The following PCSK2 variants were observed in gnomAD, a reference collection of about 807,000 sequenced individuals.
PCSK2 encodes neuroendocrine convertase 2.
A neutral mutation model predicts 69.7 loss-of-function variants in PCSK2; 14 were observed. That is an observed-to-expected ratio of 0.20 (90% CI 0.13 to 0.31). The LOEUF is 0.31. PCSK2 is among the 10% of genes least tolerant of loss of function. The pLI is 1.00. For synonymous variants in PCSK2, 307 were observed against 320.7 expected (o/e 0.96, Z 0.46); for missense variants, 544 against 842.5 (o/e 0.65, Z 4.39).
chr20:17,481,800 T>C lies in PCSK2; in HGVS notation c.1647T>C (p.Phe549=), dbSNP rs2033407414. 6.2e-7 allele frequency: 1 copy of C among 1,614,096 alleles called. No individual in the cohort carries two copies. The change falls in exon 12 of 12, where the codon TTT becomes TTC. Residue 549 remains phenylalanine (F), a synonymous_variant. Coordinates refer to ENST00000262545, the MANE Select transcript of PCSK2 (RefSeq NM_002594.5). ...RPRDDDSKVG[F]DKWPFMTTHT... ...GGGATGACGACTCCAAGGTGGGCTT[T>C]GACAAGTGGCCTTTCATGACCACTC...
intron 8 of PCSK2, among the ~76,000 whole-genome samples, chr20:17,440,038 G>A (rs765408166): frequency 4.6e-5 from 7 of 152,224 alleles, no homozygotes; most frequent in Admixed American, 1.3e-4. Flanking sequence ...ACAGCAGCAG[G>A]TCCGTCCTGT....
chr20:17,390,059 A>C lies in PCSK2; in HGVS notation c.544-19204A>C, dbSNP rs143048725. On this transcript the variant is annotated intron_variant, in intron 5 of 11. Coordinates refer to ENST00000262545, the MANE Select transcript of PCSK2 (RefSeq NM_002594.5). Reference sequence around the variant, plus strand: ...CTGTGATGTGTTTATACAGTGGAATACTATCCCACAACAAAACAAACAAAC... The same window carrying C: ...CTGTGATGTGTTTATACAGTGGAATCCTATCCCACAACAAAACAAACAAAC... 1.8e-4 allele frequency among the ~76,000 whole-genome samples: 27 copies of C among 152,400 alleles called. 2 individuals carry two copies. In the East Asian group the frequency reaches 5.2e-3, roughly 29 times the overall value.
intron 1 of PCSK2, among the ~76,000 whole-genome samples, chr20:17,253,083 T>G (rs1457360728): frequency 2.0e-5 from 3 of 152,222 alleles, no homozygotes; most frequent in Non-Finnish European, 4.4e-5. Flanking sequence ...AAATGATAAG[T>G]GTTCATAATC....
chr20:17,436,388 C>T (rs2123350594), intron 7 of PCSK2, among the ~76,000 whole-genome samples: 1 of 152,298 alleles, frequency 6.6e-6, no homozygotes, highest in East Asian at 1.9e-4. Context: ...TCTCTGAGGC[C>T]AAGCTTCTAC....
At chr20:17,469,759 G>A (rs2033169072) in intron 11 of PCSK2, among the ~76,000 whole-genome samples, 1 of 152,146 alleles carries the variant, frequency 6.6e-6, no homozygotes, top group South Asian at 2.1e-4. Flanking sequence ...GAAAGGTCAA[G>A]GGCATGCTAA....
intron 5 of PCSK2, among the ~76,000 whole-genome samples, chr20:17,383,272 AT>A (rs1205563707): frequency 2.6e-5 from 4 of 152,040 alleles, no homozygotes; most frequent in Non-Finnish European, 4.4e-5. Flanking sequence ...GCTTCTCCTT[AT>A]TTATACCTCA....
In PCSK2 at chr20:17,478,311, A is replaced by G. The variant is rs561535217; in HGVS notation, c.1431-3273A>G. On this transcript the variant is annotated intron_variant, in intron 11 of 11. Transcript: ENST00000262545. ...AACTTAGCATTTACACAGCACATTG[A>G]TAACTATAGTGCTCAGCAGAGACAT... Among the ~76,000 whole-genome samples the G allele has an allele frequency of 1.6e-4, 24 of 152,330 alleles. 1 individual carries two copies. The South Asian group carries it at 5.0e-3, about 32-fold the overall frequency.
intron 1 of PCSK2, among the ~76,000 whole-genome samples, chr20:17,252,512 A>G (rs1023990409): frequency 3.9e-5 from 6 of 152,206 alleles, no homozygotes; most frequent in Admixed American, 1.3e-4. Context: ...ATCTCACTTA[A>G]TTCCCATAAC....
At chr20:17,268,271 C>T (rs1260368498) in intron 2 of PCSK2, among the ~76,000 whole-genome samples, 3 of 151,938 alleles carry the variant, frequency 2.0e-5, no homozygotes, top group Admixed American at 1.3e-4. Flanking sequence ...TCCCAGGGGG[C>T]TTGTATACTA....
intron 4 of PCSK2, among the ~76,000 whole-genome samples, chr20:17,363,108 C>A (rs182521391): frequency 1.3e-5 from 2 of 152,360 alleles, no homozygotes; most frequent in East Asian, 1.9e-4. Flanking sequence ...TACCTAAGGG[C>A]AAAACTAATG....
At chr20:17,283,108 C>T (rs966626997) in intron 2 of PCSK2, among the ~76,000 whole-genome samples, 6 of 151,994 alleles carry the variant, frequency 3.9e-5, no homozygotes, top group Admixed American at 1.3e-4. Flanking sequence ...GCAGGGAATC[C>T]GATCACCTCA....
intron 4 of PCSK2, among the ~76,000 whole-genome samples, chr20:17,368,052 G>A (rs1202757806): frequency 1.3e-5 from 2 of 151,932 alleles, no homozygotes; most frequent in Non-Finnish European, 1.5e-5. Context: ...TCTCAGTCCA[G>A]TTACTCATTG....
chr20:17,300,869 T>C (rs8183636), intron 2 of PCSK2, among the ~76,000 whole-genome samples: 14,175 of 152,218 alleles, frequency 0.093, 793 homozygotes, highest in African/African-American at 0.15. Context: ...TAGTGTGTAA[T>C]AGTAAGTGCT....
chr20:17,326,579 C>T (rs1037080669), intron 2 of PCSK2, among the ~76,000 whole-genome samples: 4 of 152,096 alleles, frequency 2.6e-5, no homozygotes, highest in African/African-American at 9.7e-5. Flanking sequence ...GAGTATATGG[C>T]GACTCTGTGC....
At chr20:17,340,979 G>C (rs947816866) in intron 2 of PCSK2, among the ~76,000 whole-genome samples, 1 of 152,212 alleles carries the variant, frequency 6.6e-6, no homozygotes, top group African/African-American at 2.4e-5. Context: ...GCCGGGCGCA[G>C]TGGCTCATAC....
chr20:17,478,931 CTA>C (rs1275487257), intron 11 of PCSK2, among the ~76,000 whole-genome samples: 1 of 152,300 alleles, frequency 6.6e-6, no homozygotes, highest in African/African-American at 2.4e-5. Context: ...CTGCCAATTG[CTA>C]TGATATTGCT....
intron 5 of PCSK2, among the ~76,000 whole-genome samples, chr20:17,381,084 A>C (rs2031074909): frequency 6.6e-6 from 1 of 152,176 alleles, no homozygotes; most frequent in African/African-American, 2.4e-5. Context: ...TTTCCATCCT[A>C]CATGGCCAAG....
At chr20:17,308,360 C>T (rs1309203110) in intron 2 of PCSK2, among the ~76,000 whole-genome samples, 7 of 152,068 alleles carry the variant, frequency 4.6e-5, no homozygotes, top group Admixed American at 4.6e-4. Context: ...ATAGGTAGTA[C>T]AATTAGAAAA....
At position 17,361,153 on chromosome 20, in the gene PCSK2, A is replaced by T. The variant is rs374766194; in HGVS notation, c.505+513A>T. On this transcript the variant is annotated intron_variant, in intron 4 of 11. Transcript: ENST00000262545. ...GCTGCTGAAATTCAATTCCATTTTC[A>T]TCATCACAGATAGTTACATTAGCGT... is the stretch of plus-strand genomic sequence containing the variant. 3.0e-4 allele frequency among the ~76,000 whole-genome samples: 45 copies of T among 152,354 alleles called. 3 individuals are homozygous for T. The East Asian group carries it at 4.0e-3, about 14-fold the overall frequency.
Sources: allele counts gnomAD v4.1 joint callset (sites outside exome capture counted in the v4.1 genomes callset), GRCh38; gene constraint gnomAD v4.1.1; transcripts MANE v1.5; gene names NCBI Gene and HGNC (gene_info 2026-07-23, HGNC 2026-07-21).